SND1: variants seen among roughly 807,000 people sequenced by gnomAD.
SND1 encodes the protein staphylococcal nuclease and tudor domain containing 1.
Under a neutral mutation model 121.7 loss-of-function variants are expected in SND1, and 38 were observed. The ratio of observed to expected loss-of-function variants is 0.31; its 90% confidence interval spans 0.24 to 0.41. The LOEUF (loss-of-function observed/expected upper bound fraction) is 0.41, where lower values mean the gene tolerates loss of function less well. Ranked by LOEUF, SND1 falls within the 10% of genes least tolerant of loss-of-function variation. SND1 has a pLI of 1.00. For synonymous variants in SND1, 401 were observed against 447.4 expected (o/e 0.90, Z 1.31); for missense variants, 868 against 1,184.6 (o/e 0.73, Z 3.92).
At chr7:127,745,088 G>A (rs13235596) in intron 10 of SND1, among the ~76,000 whole-genome samples, 8,445 of 152,294 alleles carry the variant, frequency 0.055, 376 homozygotes, top group Middle Eastern at 0.18. Flanking sequence ...CTCATGGGAA[G>A]AGATACAGTT....
At chr7:128,078,324 A>C (rs1276889847) in intron 17 of SND1, among the ~76,000 whole-genome samples, 1 of 152,238 alleles carries the variant, frequency 6.6e-6, no homozygotes, top group Non-Finnish European at 1.5e-5. Flanking sequence ...CACTGCCTGA[A>C]GGGCCAAAGG....
chr7:127,940,779 G>T (rs1801179893), intron 15 of SND1, among the ~76,000 whole-genome samples: 1 of 152,198 alleles, frequency 6.6e-6, no homozygotes, highest in Non-Finnish European at 1.5e-5. Context: ...TAGAGTTTGG[G>T]CCTGGCTCTT....
At chr7:127,665,825 A>G (rs1795407267) in intron 1 of SND1, among the ~76,000 whole-genome samples, 1 of 152,146 alleles carries the variant, frequency 6.6e-6, no homozygotes, top group Non-Finnish European at 1.5e-5. Flanking sequence ...TTTGGTAATA[A>G]CCCAAAACAG....
intron 3 of SND1, among the ~76,000 whole-genome samples, chr7:127,696,425 C>T (rs915548181): frequency 2.0e-5 from 3 of 151,982 alleles, no homozygotes; most frequent in South Asian, 4.1e-4. Context: ...GCTTTTTACC[C>T]GTAATTCTTA....
At chr7:127,812,948 T>C (rs778530944) in intron 11 of SND1, among the ~76,000 whole-genome samples, 4 of 152,230 alleles carry the variant, frequency 2.6e-5, no homozygotes, top group Non-Finnish European at 2.9e-5. Context: ...TTTCACCTCA[T>C]ATTAATTTGA....
intron 1 of SND1, among the ~76,000 whole-genome samples, chr7:127,670,706 G>T (rs1393756019): frequency 6.6e-6 from 1 of 150,606 alleles, no homozygotes; most frequent in Non-Finnish European, 1.5e-5. Context: ...TGTAGTAATG[G>T]GTCTCACTTT....
chr7:127,652,732 T>C (rs1163717650), intron 1 of SND1, among the ~76,000 whole-genome samples: 1 of 152,242 alleles, frequency 6.6e-6, no homozygotes, highest in East Asian at 1.9e-4. Context: ...CGATTACTGA[T>C]TGATTAACAG....
chr7:127,840,213 A>C (rs1798938638), intron 11 of SND1, among the ~76,000 whole-genome samples: 1 of 152,224 alleles, frequency 6.6e-6, no homozygotes, highest in Non-Finnish European at 1.5e-5. Flanking sequence ...AAAACAGTAT[A>C]TAGTACCCCA....
chr7:127,903,713 C>G, intron 13 of SND1, among the ~76,000 whole-genome samples: 1 of 152,166 alleles, frequency 6.6e-6, no homozygotes, highest in East Asian at 1.9e-4. Flanking sequence ...AAAGTAACCC[C>G]TGCAGAAGTG....
chr7:127,770,265 T>G (rs778306226), intron 10 of SND1, among the ~76,000 whole-genome samples: 1 of 152,044 alleles, frequency 6.6e-6, no homozygotes, highest in Non-Finnish European at 1.5e-5. Context: ...ATGGGGATGG[T>G]GGGTGGCTGA....
At chr7:127,936,692 T>G (rs1039937559) in intron 15 of SND1, among the ~76,000 whole-genome samples, 4 of 152,162 alleles carry the variant, frequency 2.6e-5, no homozygotes, top group African/African-American at 9.6e-5. Context: ...AGCAGGTGCA[T>G]GCCACCACAC....
At chr7:127,868,957 T>C (rs990668646) in intron 12 of SND1, among the ~76,000 whole-genome samples, 2 of 152,132 alleles carry the variant, frequency 1.3e-5, no homozygotes, top group African/African-American at 4.8e-5. Context: ...TCAGTGCATA[T>C]GATAGAGAGA....
intron 16 of SND1, among the ~76,000 whole-genome samples, chr7:128,040,345 AT>A (rs1286770078): frequency 6.8e-6 from 1 of 146,016 alleles, no homozygotes; most frequent in Non-Finnish European, 1.5e-5. Flanking sequence ...AGGTGGGGGA[AT>A]TGCTTGAGCC....
chr7:127,870,545 T>C (rs1231010748), intron 12 of SND1, among the ~76,000 whole-genome samples: 1 of 152,324 alleles, frequency 6.6e-6, no homozygotes, highest in African/African-American at 2.4e-5. Flanking sequence ...TACTAAAAAC[T>C]GTACATCATG....
intron 16 of SND1, among the ~76,000 whole-genome samples, chr7:127,993,083 T>C (rs973610622): frequency 6.6e-6 from 1 of 152,196 alleles, no homozygotes; most frequent in Non-Finnish European, 1.5e-5. Flanking sequence ...TATGATTACT[T>C]GGGTTGGCTG....
At chr7:127,714,790 C>T (rs1395911982) in intron 9 of SND1, among the ~76,000 whole-genome samples, 1 of 152,192 alleles carries the variant, frequency 6.6e-6, no homozygotes, top group Non-Finnish European at 1.5e-5. Context: ...ATAGTGTCCT[C>T]AGGGTTCATC....
At chr7:127,755,007 A>C (rs1259871422) in intron 10 of SND1, among the ~76,000 whole-genome samples, 6 of 152,212 alleles carry the variant, frequency 3.9e-5, no homozygotes, top group Admixed American at 3.9e-4. Context: ...TCTAATTTGC[A>C]TGGCTCTACT....
chr7:127,696,191 G>C (rs934474818), intron 3 of SND1, among the ~76,000 whole-genome samples: 1 of 152,174 alleles, frequency 6.6e-6, no homozygotes, highest in East Asian at 1.9e-4. Flanking sequence ...CAATAAGCAA[G>C]CAGGGTAGAA....
chr7:127,833,343 G>A (rs955359774), intron 11 of SND1, among the ~76,000 whole-genome samples: 5 of 147,344 alleles, frequency 3.4e-5, no homozygotes, highest in South Asian at 2.2e-4. Flanking sequence ...TTGGCTCGCC[G>A]CAACCTCTGC....
Sources: gnomAD v4.1 joint callset for allele counts (sites outside exome capture counted in the v4.1 genomes callset) on GRCh38, gnomAD v4.1.1 for gene constraint, MANE v1.5 for transcripts, NCBI Gene and HGNC (gene_info 2026-07-23, HGNC 2026-07-21) for gene names.